The following CEACAM1 variants were observed in gnomAD, a reference collection of about 807,000 sequenced individuals.
The protein encoded by CEACAM1 is CEA cell adhesion molecule 1.
CEACAM1 carries 31 observed loss-of-function variants against 49.1 expected under a neutral mutation model. That is an observed-to-expected ratio of 0.63 (90% CI 0.47 to 0.85). The LOEUF (loss-of-function observed/expected upper bound fraction) is 0.85, where lower values mean the gene tolerates loss of function less well. CEACAM1 is among the 40% of genes least tolerant of loss of function. The probability of loss-of-function intolerance (pLI) is 0.00; values close to 1 mark genes in which losing one functional copy is unlikely to be tolerated. For missense variants in CEACAM1, 570 were observed against 645.3 expected (o/e 0.88, Z 1.26); for synonymous variants, 244 against 247.8 (o/e 0.98, Z 0.14).
chr19:42,521,426 C>G lies in CEACAM1; in HGVS notation c.799G>C (p.Ala267Pro). 1 of 1,614,166 alleles carries G rather than the reference C, an allele frequency of 6.2e-7. No individual in the cohort carries two copies. The highest frequency in any genetic ancestry group is 8.5e-7 in the Non-Finnish European group (1 of 1,180,030). Reference sequence around the variant, plus strand: ...CCATTGATAAGCCAGGAGTACTGTGCAGGTGGGTTAGAGGCTGCATAGCAG... The same window carrying G: ...CCATTGATAAGCCAGGAGTACTGTGGAGGTGGGTTAGAGGCTGCATAGCAG... ...LSCYAASNPP[A>P]QYSWLINGTF... is the part of the protein sequence containing the mutation. The change falls in exon 4 of 9, where the codon GCA becomes CCA. Residue 267 changes from alanine (A) to proline (P), a missense_variant. Ala to Pro is a conservative substitution (Grantham distance 27, BLOSUM62 -1). Transcript: ENST00000161559.
At position 42,507,722 on chromosome 19, in the gene CEACAM1, C is replaced by T. The variant is rs1256226959; in HGVS notation, c.*1387G>A. 1 of 152,208 alleles carries T rather than the reference C, an allele frequency of 6.6e-6. No homozygotes were observed. Among genetic ancestry groups the T allele is most frequent in the African/African-American group, 2.4e-5 (1 of 41,444 alleles). The allele number at this position is 152,208 out of a possible 1,614,324, so 9.4% of individuals were successfully genotyped here. ...AAAGAGGCTAGGCCTAAGTTATAAT[C>T]CTCCTCCTCACAGCCCCATTTCCCC... On this transcript the variant is annotated 3_prime_UTR_variant, in exon 9 of 9. Coordinates refer to ENST00000161559, the MANE Select transcript of CEACAM1 (RefSeq NM_001712.5).
At chr19:42,525,677 G>A (rs1012637428) in intron 2 of CEACAM1, 1 of 152,228 alleles carries the variant, frequency 6.6e-6, no homozygotes, top group African/African-American at 2.4e-5. Flanking sequence ...ACCAACTCTG[G>A]TATTGGGGTC....
In CEACAM1 at chr19:42,512,494, A is replaced by G; in HGVS notation, c.1247-15T>C. The G allele has an allele frequency of 6.2e-7, 1 of 1,611,626 alleles. No individual in the cohort carries two copies. Among genetic ancestry groups the G allele is most frequent in the Non-Finnish European group, 8.5e-7 (1 of 1,178,024 alleles). On this transcript the variant is annotated splice_polypyrimidine_tract_variant and intron_variant, in intron 5 of 8. Coordinates refer to ENST00000161559, the MANE Select transcript of CEACAM1 (RefSeq NM_001712.5). ...TAGAGCATTATCTGTCATGGAGAGA[A>G]AAGAGGAGAAGAAATGAAAGTGAAA...
intron 5 of CEACAM1, among the ~76,000 whole-genome samples, chr19:42,517,061 G>A (rs1250520477): frequency 1.3e-5 from 2 of 152,182 alleles, no homozygotes; most frequent in Non-Finnish European, 2.9e-5. Flanking sequence ...TGACAAGGGT[G>A]CCAAGATCAT....
In CEACAM1 at chr19:42,522,120, A is replaced by G. The variant is rs760326594; in HGVS notation, c.507T>C (p.Pro169=). 8 of 1,614,078 alleles carry G rather than the reference A, an allele frequency of 5.0e-6. No homozygotes were observed. The highest frequency in any genetic ancestry group is 1.6e-4 in the Middle Eastern group (1 of 6,084). ...ACAGGTAGGTTGTGTCCTGAGTCTC[A>G]GGTTCACAGGTGAAGGCCACAGCAT... is the stretch of plus-strand genomic sequence containing the variant. ...DKDAVAFTCE[P]ETQDTTYLWW... The change falls in exon 3 of 9, where the codon CCT becomes CCC. Residue 169 remains proline, a synonymous_variant. Transcript: ENST00000161559.
chr19:42,510,720 T>C (rs1207958330), intron 8 of CEACAM1, among the ~76,000 whole-genome samples, 169 bp downstream of exon 8: 1 of 152,260 alleles, frequency 6.6e-6, no homozygotes, highest in Admixed American at 6.5e-5. Context: ...CCAAAATGCA[T>C]GTTCTTGCTG....
chr19:42,516,397 A>G (rs971773693), intron 5 of CEACAM1, among the ~76,000 whole-genome samples: 3 of 152,192 alleles, frequency 2.0e-5, no homozygotes, highest in African/African-American at 4.8e-5. Context: ...TAAGAAAAAA[A>G]TTCTATTTAT....
At chr19:42,518,677 T>G in intron 5 of CEACAM1, 1 of 368,608 alleles carries the variant, frequency 2.7e-6, no homozygotes, top group Non-Finnish European at 5.0e-6. Context: ...TTTTTTTGTA[T>G]TTTTAGTAGA....
At chr19:42,523,942 G>A (rs2041824130) in intron 2 of CEACAM1, among the ~76,000 whole-genome samples, 1 of 152,200 alleles carries the variant, frequency 6.6e-6, no homozygotes, top group African/African-American at 2.4e-5. Context: ...ATATCTGAGA[G>A]TTCTCAATTG....
intron 2 of CEACAM1, among the ~76,000 whole-genome samples, chr19:42,523,749 C>G (rs987020053): frequency 6.6e-6 from 1 of 152,154 alleles, no homozygotes; most frequent in African/African-American, 2.4e-5. Flanking sequence ...TACTCTGGAT[C>G]TAACACCAAT....
intron 2 of CEACAM1, among the ~76,000 whole-genome samples, chr19:42,523,265 C>T (rs911640963): frequency 2.0e-5 from 3 of 152,220 alleles, no homozygotes; most frequent in Non-Finnish European, 4.4e-5. Flanking sequence ...CCTGAGGATA[C>T]TGAGCAGCCT....
At chr19:42,512,701 A>T (rs2041490319) in intron 5 of CEACAM1, among the ~76,000 whole-genome samples, 1 of 147,918 alleles carries the variant, frequency 6.8e-6, no homozygotes, top group Non-Finnish European at 1.5e-5. Flanking sequence ...TTTTTGAGAC[A>T]GAGTCTTGCT....
intron 2 of CEACAM1, among the ~76,000 whole-genome samples, chr19:42,524,908 G>A (rs1568665002): frequency 6.6e-6 from 1 of 152,144 alleles, no homozygotes; most frequent in Non-Finnish European, 1.5e-5. Flanking sequence ...TGGCTTTAGG[G>A]GTAGATGGTC....
chr19:42,516,400 C>G (rs1251882322), intron 5 of CEACAM1, among the ~76,000 whole-genome samples: 2 of 152,028 alleles, frequency 1.3e-5, no homozygotes, highest in African/African-American at 2.4e-5. Flanking sequence ...GAAAAAAATT[C>G]TATTTATAAG....
intron 5 of CEACAM1, among the ~76,000 whole-genome samples, chr19:42,513,562 A>C (rs1261819381): frequency 6.6e-6 from 1 of 151,896 alleles, no homozygotes; most frequent in Non-Finnish European, 1.5e-5. Flanking sequence ...ACACTACTGC[A>C]CTCAAGCCTG....
intron 5 of CEACAM1, chr19:42,518,747 G>T: frequency 4.9e-6 from 3 of 614,758 alleles, no homozygotes; most frequent in Non-Finnish European, 8.6e-6. Context: ...TGATCCGCCC[G>T]CCTTGGCCTC....
In CEACAM1 at chr19:42,512,413, A is replaced by G. The variant is rs769963484; in HGVS notation, c.1313T>C (p.Val438Ala). ...GAIAGIVIGV[V>A]ALVALIAVAL... ...TACTGCTATCAGAGCAACCAGGGCC[A>G]CTACTCCAATCACAATGCCAGCAAT... The change falls in exon 6 of 9, where the codon GTG becomes GCG. Residue 438 changes from valine to alanine, a missense_variant. Val to Ala is a moderately conservative substitution (Grantham distance 64, BLOSUM62 0). Coordinates refer to ENST00000161559, the MANE Select transcript of CEACAM1 (RefSeq NM_001712.5). 2 of 1,614,194 alleles carry G rather than the reference A, an allele frequency of 1.2e-6. No individual in the cohort carries two copies. Among genetic ancestry groups the G allele is most frequent in the South Asian group, 2.2e-5 (2 of 91,080 alleles).
Position 42,521,271 on chromosome 19 carries a change from G to A in CEACAM1, c.954C>T (p.Val318=), listed in dbSNP as rs2041739332. ...CNRTTVKTII[V]TELSPVVAKP... ...GATGCTCCAGGAATTACTTACCAGT[G>A]ACTATGATCGTCTTGACTGTGGTCC... The change falls in exon 4 of 9, where the codon GTC becomes GTT. Residue 318 remains valine, a synonymous_variant. Coordinates refer to ENST00000161559, the MANE Select transcript of CEACAM1 (RefSeq NM_001712.5). 8.7e-6 allele frequency: 14 copies of A among 1,614,000 alleles called. No individual in the cohort carries two copies. Among genetic ancestry groups the A allele is most frequent in the Non-Finnish European group, 1.1e-5 (13 of 1,179,870 alleles).
intron 2 of CEACAM1, among the ~76,000 whole-genome samples, chr19:42,524,264 C>G (rs2041833411): frequency 6.6e-6 from 1 of 152,086 alleles, no homozygotes; most frequent in African/African-American, 2.4e-5. Context: ...GGCAGCAAAC[C>G]CATCAGACAG....
Sources: gnomAD v4.1 joint callset for allele counts (sites outside exome capture counted in the v4.1 genomes callset) on GRCh38, gnomAD v4.1.1 for gene constraint, MANE v1.5 for transcripts, NCBI Gene and HGNC (gene_info 2026-07-23, HGNC 2026-07-21) for gene names.